The following ZNF385D variants were observed in gnomAD, a reference collection of about 807,000 sequenced individuals.
ZNF385D encodes the protein zinc finger protein 385D, also known as zinc finger protein 659.
A neutral mutation model predicts 35.8 loss-of-function variants in ZNF385D; 15 were observed. The ratio of observed to expected loss-of-function variants is 0.42; its 90% CI spans 0.28 to 0.64. The LOEUF (loss-of-function observed/expected upper bound fraction) is 0.64, where lower values mean the gene tolerates loss of function less well. Ranked by LOEUF, ZNF385D falls within the 30% of genes least tolerant of loss-of-function variation. The probability of loss-of-function intolerance (pLI) is 0.23; values close to 1 mark genes in which losing one functional copy is unlikely to be tolerated. For missense variants in ZNF385D, 474 were observed against 494.6 expected (o/e 0.96, Z 0.39); for synonymous variants, 212 against 186.8 (o/e 1.13, Z -1.10).
At chr3:21,463,607 C>A (rs1199113811) in intron 4 of ZNF385D, among the ~76,000 whole-genome samples, 3 of 152,124 alleles carry the variant, frequency 2.0e-5, no homozygotes, top group Non-Finnish European at 4.4e-5. Context: ...TCTAGAATGG[C>A]TGGCTCGCTT....
At chr3:21,957,400 A>G (rs9854012) in intron 3 of ZNF385D, among the ~76,000 whole-genome samples, 104,263 of 151,950 alleles carry the variant, frequency 0.69, 36,892 homozygotes, top group Non-Finnish European at 0.77. Context: ...ACAGGAAAAT[A>G]TGGGAAAGTT....
chr3:22,299,321 A>G (rs1007195785), intron 2 of ZNF385D, among the ~76,000 whole-genome samples: 14 of 151,896 alleles, frequency 9.2e-5, no homozygotes, highest in African/African-American at 2.7e-4. Flanking sequence ...CTCTTAAATA[A>G]AACACTTTAG....
intron 3 of ZNF385D, among the ~76,000 whole-genome samples, chr3:22,050,183 A>G (rs1325947395): frequency 6.6e-6 from 1 of 151,754 alleles, no homozygotes; most frequent in Non-Finnish European, 1.5e-5. Context: ...CTGGGCAAAA[A>G]AGGAAGATTG....
At chr3:22,116,322 G>T (rs1702809442) in intron 3 of ZNF385D, among the ~76,000 whole-genome samples, 1 of 151,912 alleles carries the variant, frequency 6.6e-6, no homozygotes, top group Non-Finnish European at 1.5e-5. Context: ...TGAAACCCAT[G>T]GAGTAACACA....
At chr3:22,367,487 G>A (rs1025799221) in intron 2 of ZNF385D, among the ~76,000 whole-genome samples, 21 of 152,170 alleles carry the variant, frequency 1.4e-4, no homozygotes, top group Non-Finnish European at 2.1e-4. Flanking sequence ...ACTCGGTCCA[G>A]TACATGGAAC....
At chr3:21,844,750 C>T (rs1695892927) in intron 3 of ZNF385D, among the ~76,000 whole-genome samples, 1 of 151,972 alleles carries the variant, frequency 6.6e-6, no homozygotes, top group Non-Finnish European at 1.5e-5. Flanking sequence ...AAATTGTTCA[C>T]ATTCTACCTG....
intron 3 of ZNF385D, among the ~76,000 whole-genome samples, chr3:21,791,462 T>A (rs2071923209): frequency 6.6e-6 from 1 of 152,222 alleles, no homozygotes; most frequent in Non-Finnish European, 1.5e-5. Context: ...ATTTGCCCCT[T>A]AAAATCAGAG....
chr3:21,564,701 G>T lies in ZNF385D; in HGVS notation c.166-17C>A. On this transcript the variant is annotated splice_polypyrimidine_tract_variant and intron_variant, in intron 2 of 7. Coordinates refer to ENST00000281523, the MANE Select transcript of ZNF385D (RefSeq NM_024697.3). ...CGGGTCCATCTGTAATGAGAAAAAA[G>T]AAATACAACAAATAGAAATAAAGCT... 2.1e-6 allele frequency: 3 copies of T among 1,452,820 alleles called. No individual in the cohort carries two copies. Among genetic ancestry groups the T allele is most frequent in the Non-Finnish European group, 2.8e-6 (3 of 1,073,050 alleles). 90.0% of individuals were successfully genotyped at this position (1,452,820 alleles called of 1,614,324 possible).
intron 3 of ZNF385D, among the ~76,000 whole-genome samples, chr3:22,024,984 C>T (rs182312201): frequency 2.5e-4 from 38 of 152,092 alleles, no homozygotes; most frequent in Admixed American, 8.5e-4. Flanking sequence ...AGTGGCTGAC[C>T]TGAAACAAAA....
chr3:22,040,813 T>A lies in ZNF385D; in HGVS notation c.325+128004A>T, dbSNP rs146912226. On this transcript the variant is annotated intron_variant, in intron 3 of 5. Transcript: ENST00000494108. ...CATTGACAGACTAGAAAAAATAGAG[T>A]AAATGGAATGAAATACAAAGGCAAT... Among the ~76,000 whole-genome samples, 569 of 152,040 alleles carry A rather than the reference T, an allele frequency of 3.7e-3. 8 individuals carry two copies. Among genetic ancestry groups the A allele is most frequent in the East Asian group, 0.033 (169 of 5,162 alleles).
intron 2 of ZNF385D, among the ~76,000 whole-genome samples, chr3:22,315,200 G>C (rs1475222113): frequency 6.6e-6 from 1 of 152,222 alleles, no homozygotes; most frequent in Non-Finnish European, 1.5e-5. Context: ...GAAGGCAGAA[G>C]CCACAGCATC....
At chr3:21,984,139 T>A (rs1694672125) in intron 3 of ZNF385D, among the ~76,000 whole-genome samples, 1 of 136,914 alleles carries the variant, frequency 7.3e-6, no homozygotes. Context: ...GATGGTAGTT[T>A]CTTTTGCTGT....
At chr3:21,560,359 T>C (rs1011087169) in intron 3 of ZNF385D, among the ~76,000 whole-genome samples, 4 of 152,118 alleles carry the variant, frequency 2.6e-5, no homozygotes, top group Non-Finnish European at 5.9e-5. Context: ...GACTTCCTTT[T>C]TGTTGATGTT....
chr3:21,855,061 T>TAA, intron 3 of ZNF385D, among the ~76,000 whole-genome samples: 2 of 152,074 alleles, frequency 1.3e-5, no homozygotes, highest in South Asian at 4.2e-4. Flanking sequence ...CTTACTTGGC[T>TAA]TTTCTCAGTG....
At chr3:21,580,088 G>C (rs2063609794) in intron 2 of ZNF385D, 1 of 151,978 alleles carries the variant, frequency 6.6e-6, no homozygotes, top group Admixed American at 6.6e-5. Context: ...TTTTACTCAG[G>C]CATAAGTGCT....
intron 2 of ZNF385D, among the ~76,000 whole-genome samples, chr3:22,317,793 A>G (rs151137444): frequency 6.6e-6 from 1 of 152,182 alleles, no homozygotes; most frequent in Non-Finnish European, 1.5e-5. Flanking sequence ...GGGCATGGTG[A>G]CTCACTCATG....
chr3:22,293,252 C>A (rs1452436041), intron 2 of ZNF385D, among the ~76,000 whole-genome samples: 1 of 152,056 alleles, frequency 6.6e-6, no homozygotes, highest in East Asian at 1.9e-4. Flanking sequence ...ATTAGGGCAA[C>A]CAGGAGTCAG....
intron 3 of ZNF385D, among the ~76,000 whole-genome samples, chr3:22,064,805 A>G (rs1699847963): frequency 6.6e-6 from 1 of 152,198 alleles, no homozygotes; most frequent in South Asian, 2.1e-4. Context: ...GAAAAGGGAG[A>G]TGATGATCAA....
intron 3 of ZNF385D, among the ~76,000 whole-genome samples, chr3:21,848,777 A>T (rs566364878): frequency 3.9e-5 from 6 of 152,076 alleles, no homozygotes; most frequent in Non-Finnish European, 7.4e-5. Flanking sequence ...CCAGGACCAT[A>T]TGGCTTCACT....
Sources: gnomAD v4.1 joint callset for allele counts (sites outside exome capture counted in the v4.1 genomes callset) on GRCh38, gnomAD v4.1.1 for gene constraint, MANE v1.5 for transcripts, NCBI Gene and HGNC (gene_info 2026-07-23, HGNC 2026-07-21) for gene names.